GEMIN5: variants seen among roughly 807,000 people sequenced by gnomAD.
GEMIN5 encodes the protein gem-associated protein 5.
A neutral mutation model predicts 176.9 loss-of-function variants in GEMIN5; 124 were observed. That is an observed-to-expected ratio of 0.70 (90% CI 0.61 to 0.81). The LOEUF (loss-of-function observed/expected upper bound fraction) is 0.81. Among genes scored for constraint, GEMIN5 ranks in the 40% least tolerant of loss-of-function variants. GEMIN5 has a pLI of 0.00. For missense variants in GEMIN5, 1,843 were observed against 1,814.6 expected, an observed-to-expected ratio of 1.02 and a Z score of -0.28; for synonymous variants, 673 against 665.2, an observed-to-expected ratio of 1.01 and a Z score of -0.18.
At chr5:154,896,020 T>C in intron 24 of GEMIN5, 72 bp downstream of exon 24, 1 of 1,548,548 alleles carries the variant, frequency 6.5e-7, no homozygotes, top group Non-Finnish European at 8.8e-7. Context: ...TGTTTCCCCG[T>C]TACAATAGAC....
At position 154,917,173 on chromosome 5, in the gene GEMIN5, T is replaced by C. The variant is rs1289975928; in HGVS notation, c.1680A>G (p.Ile560Met). 5.3e-6 allele frequency: 8 copies of C among 1,497,890 alleles called. No homozygotes were observed. The highest frequency in any genetic ancestry group is 7.2e-6 in the Non-Finnish European group (8 of 1,105,022). 92.8% of individuals were successfully genotyped at this position (1,497,890 alleles called of 1,614,324 possible). ...IMALGNEDGS[I>M]EIFQIPNLKL... is the part of the protein sequence containing the mutation. ...TCAGGTTGGGAATCTGAAATATTTC[T>C]ATTGATCTGGAATAAGAAACACATC... The change falls in exon 13 of 28, where the codon ATA becomes ATG. Residue 560 changes from isoleucine to methionine, a missense_variant. Transcript: ENST00000285873.
chr5:154,917,069 T>C lies in GEMIN5; in HGVS notation c.1784A>G (p.Glu595Gly), dbSNP rs1300781899. The C allele has an allele frequency of 3.1e-6, 5 of 1,609,934 alleles. No homozygotes were observed. In the African/African-American group the frequency reaches 5.3e-5, roughly 17 times the overall value. ...SWHHEHGSQP[E>G]LSYLMASGSN... ...GCCAGAGGCCATCAGATAGCTCAAT[T>C]CTGGCTGGCTGCCATGCTCATGATG... Residue 595 changes from glutamate (E) to glycine (G), a missense_variant, in exon 13 of 28, where the codon GAA becomes GGA. By Grantham distance (98) the Glu-to-Gly change is moderately conservative. Coordinates refer to ENST00000285873, the MANE Select transcript of GEMIN5 (RefSeq NM_015465.5).
At chr5:154,889,273 A>G in intron 27 of GEMIN5, 48 bp downstream of exon 27, 2 of 963,554 alleles carry the variant, frequency 2.1e-6, no homozygotes, top group Middle Eastern at 2.1e-4. Context: ...TAGTCAAGTG[A>G]TAACACAAAA....
Position 154,921,379 on chromosome 5 carries a change from A to G in GEMIN5, c.1426T>C (p.Leu476=). The G allele has an allele frequency of 6.7e-7, 1 of 1,496,918 alleles. No individual in the cohort carries two copies. The highest frequency in any genetic ancestry group is 9.2e-7 in the Non-Finnish European group (1 of 1,083,094). The allele number at this position is 1,496,918 out of a possible 1,614,324, so 92.7% of individuals were successfully genotyped here. A position where few individuals can be genotyped will look rare whatever the true frequency, so the allele number is the denominator to read the frequency against. The stretch of plus-strand genomic sequence containing the variant: ...GGGGGTACTGGTGGCCCCCAGGCTA[A>G]AGTATATACAGTCTTCTTATGATAT... ...STYHKKTVYT[L]AWGPPVPPMS... The change falls in exon 10 of 28, where the codon TTA becomes CTA. Residue 476 remains leucine, a synonymous_variant. Transcript: ENST00000285873.
chr5:154,888,457 C>T (rs1219014298), intron 27 of GEMIN5, 80 bp from the exon 28 acceptor site: 1 of 1,215,554 alleles, frequency 8.2e-7, no homozygotes. Context: ...GCACCAGTCA[C>T]TCAGGTTCAT....
At position 154,907,693 on chromosome 5, in the gene GEMIN5, T is replaced by C. The variant is rs200227178; in HGVS notation, c.2293A>G (p.Ser765Gly). The C allele has an allele frequency of 1.7e-5, 28 of 1,614,010 alleles. No individual in the cohort carries two copies. The highest frequency in any genetic ancestry group is 8.3e-5 in the Admixed American group (5 of 59,996). ...LESIDGNEEE[S>G]MKENSGPVEN... ...ACAGGTCCTGAGTTCTCCTTCATGC[T>C]TTCTTCTTCATTTCCATCAATCGAT... is the stretch of plus-strand genomic sequence containing the variant. The change falls in exon 16 of 28, where the codon AGC becomes GGC. Residue 765 changes from serine (S) to glycine (G), a missense_variant. By Grantham distance (56) the Ser-to-Gly change is moderately conservative. Transcript: ENST00000285873.
chr5:154,911,670 A>G, intron 15 of GEMIN5, 57 bp downstream of exon 15: 1 of 1,434,964 alleles, frequency 7.0e-7, no homozygotes, highest in South Asian at 1.2e-5. Flanking sequence ...ATCCTGATCA[A>G]CTCAATTATT....
chr5:154,888,855 T>TTTTG (rs1554100468), intron 27 of GEMIN5, among the ~76,000 whole-genome samples: 20 of 148,754 alleles, frequency 1.3e-4, no homozygotes, highest in Non-Finnish European at 1.9e-4. Flanking sequence ...AAATTCTTTT[T>TTTTG]TTTTGTTTTG....
intron 11 of GEMIN5, among the ~76,000 whole-genome samples, chr5:154,919,294 TG>T (rs1214458987): frequency 6.6e-6 from 1 of 151,404 alleles, no homozygotes; most frequent in Non-Finnish European, 1.5e-5. Flanking sequence ...ATCACGCCAC[TG>T]CACTCCAGCC....
chr5:154,922,345 T>G (rs567786302), intron 9 of GEMIN5, among the ~76,000 whole-genome samples: 1 of 152,228 alleles, frequency 6.6e-6, no homozygotes. Context: ...TTTTTTGTAC[T>G]TTTAGTAGAG....
At chr5:154,923,197 A>C (rs1763962512) in intron 9 of GEMIN5, among the ~76,000 whole-genome samples, 1 of 152,042 alleles carries the variant, frequency 6.6e-6, no homozygotes, top group Admixed American at 6.6e-5. Context: ...ACCAACACGG[A>C]GAAACCCTGT....
rs1763829595 is a variant in GEMIN5, at chr5:154,917,155, G to C, written c.1698C>G (p.Pro566=). The change falls in exon 13 of 28, where the codon CCC becomes CCG. Residue 566 remains proline (P), a synonymous_variant. Transcript: ENST00000285873. Reference sequence around the variant, plus strand: ...GGATAGTACAGATCAGTTTCAGGTTGGGAATCTGAAATATTTCTATTGATC... The same window carrying C: ...GGATAGTACAGATCAGTTTCAGGTTCGGAATCTGAAATATTTCTATTGATC... The part of the protein sequence containing the change: ...EDGSIEIFQI[P]NLKLICTIQQ... 1 of 1,500,888 alleles carries C rather than the reference G, an allele frequency of 6.7e-7. No homozygotes were observed. Among genetic ancestry groups the C allele is most frequent in the African/African-American group, 1.4e-5 (1 of 71,822 alleles). The allele number at this position is 1,500,888 out of a possible 1,614,324, so 93.0% of individuals were successfully genotyped here.
intron 3 of GEMIN5, among the ~76,000 whole-genome samples, chr5:154,932,501 G>A (rs981758201): frequency 1.3e-5 from 2 of 152,178 alleles, no homozygotes; most frequent in African/African-American, 4.8e-5. Flanking sequence ...TACTATGTAT[G>A]TTGCCTGGTA....
At chr5:154,924,360 T>C (rs781304652) in intron 9 of GEMIN5, 109 bp downstream of exon 9, 32 of 690,826 alleles carry the variant, frequency 4.6e-5, no homozygotes, top group Non-Finnish European at 7.3e-5. Flanking sequence ...GGTCTTCAAA[T>C]TGAAAAGGCA....
intron 24 of GEMIN5, among the ~76,000 whole-genome samples, chr5:154,894,346 G>A (rs1317509013): frequency 1.3e-5 from 2 of 152,164 alleles, no homozygotes; most frequent in African/African-American, 4.8e-5. Context: ...CTAGTTTTTG[G>A]CTACTGTGCA....
Position 154,903,199 on chromosome 5 carries a change from A to T in GEMIN5, c.2633-24T>A. 3 of 1,450,526 alleles carry T rather than the reference A, an allele frequency of 2.1e-6. No individual in the cohort carries two copies. In the East Asian group the frequency reaches 6.8e-5, roughly 33 times the overall value. The allele number at this position is 1,450,526 out of a possible 1,614,324, so 89.9% of individuals were successfully genotyped here. A position where few individuals can be genotyped will look rare whatever the true frequency, so the allele number is the denominator to read the frequency against. The stretch of plus-strand genomic sequence containing the variant: ...CTCTGTTAATTTAAAAAGGCAAAAA[A>T]ATCAGATGAAGTCATTACATTGATT... On this transcript the variant is annotated intron_variant, in intron 18 of 27. Transcript: ENST00000285873.
intron 21 of GEMIN5, among the ~76,000 whole-genome samples, chr5:154,900,419 T>C (rs1763439198): frequency 6.6e-6 from 1 of 152,236 alleles, no homozygotes; most frequent in Non-Finnish European, 1.5e-5. Context: ...GACTTACCTT[T>C]CTGCCATAAA....
At chr5:154,899,380 T>G in intron 21 of GEMIN5, 70 bp from the exon 22 acceptor site, 1 of 1,306,082 alleles carries the variant, frequency 7.7e-7, no homozygotes, top group Non-Finnish European at 1.0e-6. Context: ...GGAGGGGCTG[T>G]AAGACAGGAC....
intron 3 of GEMIN5, among the ~76,000 whole-genome samples, chr5:154,933,454 T>A (rs1764206143): frequency 6.6e-6 from 1 of 152,238 alleles, no homozygotes; most frequent in African/African-American, 2.4e-5. Flanking sequence ...TTATTCATTT[T>A]CCTTTTGAAG....
Sources: allele counts gnomAD v4.1 joint callset (sites outside exome capture counted in the v4.1 genomes callset), GRCh38; gene constraint gnomAD v4.1.1; transcripts MANE v1.5; gene names NCBI Gene and HGNC (gene_info 2026-07-23, HGNC 2026-07-21).